MGAT5: variants seen among roughly 807,000 people sequenced by gnomAD.
MGAT5 encodes alpha-1,6-mannosylglycoprotein 6-beta-N-acetylglucosaminyltransferase, also known as alpha-1,6-mannosylglycoprotein 6-beta-N-acetylglucosaminyltransferase A.
MGAT5 carries 30 observed loss-of-function variants against 94.3 expected under a neutral mutation model. The observed-to-expected ratio is 0.32, with a 90% CI of 0.24 to 0.43. MGAT5 has a LOEUF of 0.43. Among genes scored for constraint, MGAT5 ranks in the 20% least tolerant of loss-of-function variants. The pLI is 1.00. For synonymous variants in MGAT5, 310 were observed against 322.9 expected (o/e 0.96, Z 0.43); for missense variants, 691 against 905.5 (o/e 0.76, Z 3.04).
intron 1 of MGAT5, among the ~76,000 whole-genome samples, chr2:134,232,358 T>C (rs1681413855): frequency 6.6e-6 from 1 of 152,178 alleles, no homozygotes; most frequent in African/African-American, 2.4e-5. Flanking sequence ...TGGTGGTTCT[T>C]ACTCAACAGG....
chr2:134,444,980 C>G (rs1443614844), intron 15 of MGAT5, among the ~76,000 whole-genome samples: 2 of 128,324 alleles, frequency 1.6e-5, no homozygotes, highest in East Asian at 5.0e-4. Flanking sequence ...AGGGTCCATT[C>G]CAGTGGGGCC....
upstream of MGAT5, chr2:134,120,154 C>A (rs1164906727): frequency 6.4e-6 from 1 of 156,890 alleles, no homozygotes; most frequent in Non-Finnish European, 1.4e-5. Context: ...CCCTGCGGCT[C>A]CCGCGGCGGC....
intron 10 of MGAT5, among the ~76,000 whole-genome samples, chr2:134,394,755 C>A: frequency 6.6e-6 from 1 of 152,122 alleles, no homozygotes; most frequent in East Asian, 1.9e-4. Flanking sequence ...TGCAGTTTTC[C>A]AAAATTCTTC....
intron 4 of MGAT5, among the ~76,000 whole-genome samples, chr2:134,323,681 T>A (rs995692085): frequency 6.6e-6 from 1 of 152,142 alleles, no homozygotes; most frequent in Admixed American, 6.6e-5. Flanking sequence ...GATGGGAAAA[T>A]GGCTCTAATT....
chr2:134,381,511 C>CCAGA (rs770100870), intron 10 of MGAT5, among the ~76,000 whole-genome samples: 39 of 50,656 alleles, frequency 7.7e-4, no homozygotes, highest in South Asian at 1.9e-3. Flanking sequence ...GACAGACAGA[C>CCAGA]CAGACAGACA....
intron 1 of MGAT5, among the ~76,000 whole-genome samples, chr2:134,233,319 A>G (rs1681464778): frequency 6.6e-6 from 1 of 152,196 alleles, no homozygotes; most frequent in Non-Finnish European, 1.5e-5. Flanking sequence ...AGTGGAATGG[A>G]TTTCAGACTT....
intron 1 of MGAT5, among the ~76,000 whole-genome samples, chr2:134,152,309 T>C (rs1410450738): frequency 0.035 from 3,538 of 100,246 alleles, 818 homozygotes; most frequent in Non-Finnish European, 0.049. Context: ...GGGACCCGCT[T>C]ATCACTCACG....
intron 10 of MGAT5, among the ~76,000 whole-genome samples, chr2:134,395,915 A>T (rs1324886980): frequency 2.0e-5 from 3 of 152,242 alleles, no homozygotes; most frequent in African/African-American, 7.2e-5. Flanking sequence ...ATCCTAATTT[A>T]TACCAGATGA....
At chr2:134,259,077 A>T (rs1447650969) in intron 1 of MGAT5, among the ~76,000 whole-genome samples, 1 of 152,256 alleles carries the variant, frequency 6.6e-6, no homozygotes, top group Non-Finnish European at 1.5e-5. Context: ...CTCCAAAGTG[A>T]TACTCAGAAC....
At chr2:134,299,203 C>T (rs1281930986) in intron 2 of MGAT5, among the ~76,000 whole-genome samples, 3 of 152,216 alleles carry the variant, frequency 2.0e-5, no homozygotes, top group Non-Finnish European at 4.4e-5. Context: ...CACATGGCCA[C>T]TGACTTTGTG....
intron 1 of MGAT5, among the ~76,000 whole-genome samples, chr2:134,148,174 G>A (rs1217412885): frequency 1.3e-5 from 2 of 152,152 alleles, no homozygotes; most frequent in South Asian, 2.1e-4. Flanking sequence ...AAACATCCAC[G>A]GGCTTCATCA....
intron 1 of MGAT5, among the ~76,000 whole-genome samples, chr2:134,222,347 A>G (rs1053775587): frequency 8.3e-4 from 121 of 146,576 alleles, no homozygotes; most frequent in African/African-American, 2.8e-3. Context: ...AATCAGCCAG[A>G]AAAAAAAACC....
chr2:134,448,091 A>G (rs1685892010), intron 15 of MGAT5, among the ~76,000 whole-genome samples: 1 of 152,264 alleles, frequency 6.6e-6, no homozygotes, highest in South Asian at 2.1e-4. Flanking sequence ...AAACATACTT[A>G]AAGAACGTAA....
chr2:134,402,813 C>A (rs1225657126), intron 10 of MGAT5, among the ~76,000 whole-genome samples, 175 bp from the exon 11 acceptor site: 1 of 152,156 alleles, frequency 6.6e-6, no homozygotes, highest in Non-Finnish European at 1.5e-5. Context: ...TCCACAAAGT[C>A]CAGCCAGATT....
intron 12 of MGAT5, among the ~76,000 whole-genome samples, chr2:134,418,230 G>A (rs758144745): frequency 6.6e-6 from 1 of 152,156 alleles, no homozygotes; most frequent in African/African-American, 2.4e-5. Flanking sequence ...CCATCATTTT[G>A]TAATTTACTT....
At chr2:134,311,747 TAAA>T (rs1686677067) in intron 2 of MGAT5, among the ~76,000 whole-genome samples, 1 of 151,290 alleles carries the variant, frequency 6.6e-6, no homozygotes. Context: ...GAGTGGTTAT[TAAA>T]AACTTTGTTT....
chr2:134,302,076 A>G (rs60170956), intron 2 of MGAT5, among the ~76,000 whole-genome samples: 2,645 of 152,308 alleles, frequency 0.017, 87 homozygotes, highest in African/African-American at 0.06. Flanking sequence ...TTAGCTTTGC[A>G]AACCGTATGG....
chr2:134,132,066 G>A (rs1389719752), intron 1 of MGAT5, among the ~76,000 whole-genome samples: 1 of 152,230 alleles, frequency 6.6e-6, no homozygotes, highest in Non-Finnish European at 1.5e-5. Context: ...TTTGGGGTAA[G>A]TTTGCTATAG....
intron 1 of MGAT5, among the ~76,000 whole-genome samples, chr2:134,226,002 A>G (rs1457883304): frequency 2.6e-5 from 4 of 152,200 alleles, no homozygotes; most frequent in Non-Finnish European, 5.9e-5. Flanking sequence ...TAAGTAGCCT[A>G]AACAGTCATT....
Sources: gnomAD v4.1 joint callset for allele counts (sites outside exome capture counted in the v4.1 genomes callset) on GRCh38, gnomAD v4.1.1 for gene constraint, MANE v1.5 for transcripts, NCBI Gene and HGNC (gene_info 2026-07-23, HGNC 2026-07-21) for gene names.